The following MECOM variants were observed in gnomAD, a reference collection of about 807,000 sequenced individuals.
The protein encoded by MECOM is MDS1 and EVI1 complex locus, also known as histone-lysine N-methyltransferase MECOM.
In MECOM, 13 loss-of-function variants were observed where a neutral mutation model predicts 116.3. The observed-to-expected ratio is 0.11, with a 90% CI of 0.07 to 0.18. The LOEUF (loss-of-function observed/expected upper bound fraction) is 0.18, where lower values mean the gene tolerates loss of function less well. MECOM is among the 10% of genes least tolerant of loss of function. MECOM has a pLI of 1.00. For synonymous variants in MECOM, 528 were observed against 535.2 expected (o/e 0.99, Z 0.19); for missense variants, 1,299 against 1,509.0 (o/e 0.86, Z 2.31).
At chr3:169,242,099 T>C (rs1560035500) in intron 2 of MECOM, among the ~76,000 whole-genome samples, 1 of 152,198 alleles carries the variant, frequency 6.6e-6, no homozygotes, top group African/African-American at 2.4e-5. Flanking sequence ...ATTGTGTTTA[T>C]AGATTTCTTT....
chr3:169,586,886 A>G (rs1765836648), intron 1 of MECOM, among the ~76,000 whole-genome samples: 1 of 152,232 alleles, frequency 6.6e-6, no homozygotes, highest in Non-Finnish European at 1.5e-5. Flanking sequence ...ACTAGGTATC[A>G]GCAGTTAGTG....
chr3:169,393,132 C>T (rs1458678391), intron 1 of MECOM, among the ~76,000 whole-genome samples: 27 of 152,126 alleles, frequency 1.8e-4, no homozygotes. Context: ...ACCAGTGAAA[C>T]TCCCACCAGC....
At chr3:169,535,341 TA>T (rs1297785446) in intron 1 of MECOM, among the ~76,000 whole-genome samples, 1 of 152,124 alleles carries the variant, frequency 6.6e-6, no homozygotes, top group Non-Finnish European at 1.5e-5. Context: ...GTTGCTCCCA[TA>T]CCATTTTTGA....
chr3:169,458,978 T>A (rs904774734), intron 1 of MECOM, among the ~76,000 whole-genome samples: 1 of 152,190 alleles, frequency 6.6e-6, no homozygotes, highest in Non-Finnish European at 1.5e-5. Flanking sequence ...AGCGCAGCAT[T>A]TAAACATGTC....
At chr3:169,159,054 A>G (rs1005379186) in intron 2 of MECOM, among the ~76,000 whole-genome samples, 1 of 152,176 alleles carries the variant, frequency 6.6e-6, no homozygotes, top group Admixed American at 6.5e-5. Context: ...GTAAACTGCC[A>G]TAATGAGGTA....
In MECOM at chr3:169,122,601, A is replaced by G; in HGVS notation, c.957T>C (p.Tyr319=). 1 of 1,614,032 alleles carries G rather than the reference A, an allele frequency of 6.2e-7. No individual in the cohort carries two copies. The highest frequency in any genetic ancestry group is 8.5e-7 in the Non-Finnish European group (1 of 1,179,936). Residue 319 remains tyrosine, a synonymous_variant, in exon 6 of 17, where the codon TAT becomes TAC. Coordinates refer to ENST00000651503, the MANE Select transcript of MECOM (RefSeq NM_004991.4). ...HQMSHDSGKH[Y]ECENCAKVFT... ...GTACCTTGGCACAGTTTTCACATTC[A>G]TAGTGCTTTCCACTGTCATGTGACA...
At chr3:169,285,319 C>T (rs1713060752) in intron 2 of MECOM, among the ~76,000 whole-genome samples, 1 of 152,156 alleles carries the variant, frequency 6.6e-6, no homozygotes. Flanking sequence ...AACACATGAA[C>T]ATTATTTCTC....
Position 169,190,184 on chromosome 3 carries a change from G to T in MECOM, c.376-46352C>A, listed in dbSNP as rs1395408614. On this transcript the variant is annotated intron_variant, in intron 2 of 16. Transcript: ENST00000651503. ...GTATTCACATATCTAGGCAAGGAAAGAAAGGTACTCAACCATAATATAAAT... is the reference window on the plus strand; with the variant it reads ...GTATTCACATATCTAGGCAAGGAAATAAAGGTACTCAACCATAATATAAAT... 3.3e-5 allele frequency among the ~76,000 whole-genome samples: 5 copies of T among 152,066 alleles called. No homozygotes were observed. The East Asian group carries it at 9.6e-4, about 29-fold the overall frequency.
chr3:169,312,199 T>C (rs987686726), intron 2 of MECOM, among the ~76,000 whole-genome samples: 2 of 152,162 alleles, frequency 1.3e-5, no homozygotes, highest in African/African-American at 4.8e-5. Context: ...CAACCAAGTA[T>C]AGTATACACT....
intron 1 of MECOM, among the ~76,000 whole-genome samples, chr3:169,631,381 A>T (rs1362766): frequency 0.11 from 16,966 of 152,230 alleles, 1,170 homozygotes; most frequent in East Asian, 0.25. Flanking sequence ...AACAATATTA[A>T]TAAATTCTAG....
chr3:169,088,002 G>T (rs1718388670), intron 16 of MECOM, among the ~76,000 whole-genome samples: 1 of 152,128 alleles, frequency 6.6e-6, no homozygotes, highest in Non-Finnish European at 1.5e-5. Context: ...ATTATTTAAT[G>T]ATTTGTATTA....
At chr3:169,370,590 C>A (rs78509299) in intron 2 of MECOM, among the ~76,000 whole-genome samples, 7,362 of 151,822 alleles carry the variant, frequency 0.048, 220 homozygotes, top group East Asian at 0.11. Context: ...CAAAGAAAAC[C>A]TATGGAATGG....
chr3:169,372,697 T>C (rs531782914), intron 2 of MECOM, among the ~76,000 whole-genome samples: 3 of 152,178 alleles, frequency 2.0e-5, no homozygotes, highest in Admixed American at 6.6e-5. Flanking sequence ...GCTTCTGCTG[T>C]TGTCTTGTTA....
At chr3:169,590,483 A>T (rs1766279089) in intron 1 of MECOM, among the ~76,000 whole-genome samples, 1 of 152,228 alleles carries the variant, frequency 6.6e-6, no homozygotes, top group South Asian at 2.1e-4. Flanking sequence ...TCAGAGGCCA[A>T]TTTGTTAAGA....
At chr3:169,443,057 T>A (rs1744004687) in intron 1 of MECOM, among the ~76,000 whole-genome samples, 2 of 152,048 alleles carry the variant, frequency 1.3e-5, no homozygotes, top group South Asian at 2.1e-4. Flanking sequence ...AAAAAAAAAA[T>A]TCACAATGAG....
chr3:169,262,702 C>A (rs1420763473), intron 2 of MECOM, among the ~76,000 whole-genome samples: 1 of 152,052 alleles, frequency 6.6e-6, no homozygotes, highest in East Asian at 1.9e-4. Flanking sequence ...GGAGAAAGCC[C>A]CCCACCACCT....
chr3:169,491,197 A>G (rs1260403194), intron 1 of MECOM, among the ~76,000 whole-genome samples: 2 of 152,176 alleles, frequency 1.3e-5, no homozygotes, highest in Non-Finnish European at 2.9e-5. Flanking sequence ...ATTATTGAGT[A>G]TATAACATGA....
At chr3:169,281,689 G>A (rs1233521078) in intron 2 of MECOM, among the ~76,000 whole-genome samples, 1 of 152,074 alleles carries the variant, frequency 6.6e-6, no homozygotes, top group African/African-American at 2.4e-5. Context: ...GCATGTACCT[G>A]CAGTCCCAAC....
At chr3:169,174,906 A>G (rs1402791448) in intron 2 of MECOM, among the ~76,000 whole-genome samples, 1 of 152,188 alleles carries the variant, frequency 6.6e-6, no homozygotes, top group Non-Finnish European at 1.5e-5. Context: ...AAAAGCAGAC[A>G]TGAAGACAAC....
Sources: gnomAD v4.1 joint callset for allele counts (sites outside exome capture counted in the v4.1 genomes callset) on GRCh38, gnomAD v4.1.1 for gene constraint, MANE v1.5 for transcripts, NCBI Gene and HGNC (gene_info 2026-07-23, HGNC 2026-07-21) for gene names.